The following CASTOR2 variants were observed in gnomAD, a reference collection of about 807,000 sequenced individuals.
CASTOR2 encodes cytosolic arginine sensor for mTORC1 subunit 2, also known as GATS protein like 2.
In CASTOR2, 8 loss-of-function variants were observed where a neutral mutation model predicts 31.2. The ratio of observed to expected loss-of-function variants is 0.26; its 90% confidence interval spans 0.15 to 0.46. CASTOR2 has a LOEUF of 0.46. CASTOR2 is among the 20% of genes least tolerant of loss of function. CASTOR2 has a pLI of 0.99. For missense variants in CASTOR2, 216 were observed against 382.1 expected (o/e 0.57, Z 3.62); for synonymous variants, 162 against 158.7 (o/e 1.02, Z -0.16).
At chr7:74,999,678 C>T (rs1397862829) in intron 1 of CASTOR2, among the ~76,000 whole-genome samples, 4 of 120,422 alleles carry the variant, frequency 3.3e-5, no homozygotes, top group Non-Finnish European at 6.4e-5. Context: ...AGTGCAGTGG[C>T]GTGATCTTGG....
chr7:75,001,641 C>T (rs1210858903), intron 1 of CASTOR2, among the ~76,000 whole-genome samples: 1 of 152,202 alleles, frequency 6.6e-6, no homozygotes, highest in Non-Finnish European at 1.5e-5. Flanking sequence ...TGAGGCTTCT[C>T]TGATTTTGAA....
At chr7:74,983,764 A>G (rs1804000476) in intron 1 of CASTOR2, among the ~76,000 whole-genome samples, 1 of 149,760 alleles carries the variant, frequency 6.7e-6, no homozygotes, top group Non-Finnish European at 1.5e-5. Flanking sequence ...TTCCTACCAC[A>G]TATTCCCAGG....
intron 2 of CASTOR2, among the ~76,000 whole-genome samples, chr7:75,011,888 A>G (rs1455746745): frequency 4.0e-5 from 6 of 151,256 alleles, no homozygotes; most frequent in African/African-American, 1.5e-4. Context: ...AATCGCTTGA[A>G]CCCGGGAGGT....
At chr7:75,022,837 T>G (rs1805036780) in intron 7 of CASTOR2, among the ~76,000 whole-genome samples, 1 of 152,134 alleles carries the variant, frequency 6.6e-6, no homozygotes, top group Admixed American at 6.6e-5. Context: ...AAGAATAAAT[T>G]GGGGCTGTGA....
In CASTOR2 at chr7:75,028,006, G is replaced by C. The variant is rs1176017612; in HGVS notation, c.*3307G>C. On this transcript the variant is annotated 3_prime_UTR_variant, in exon 9 of 9. Coordinates refer to ENST00000616305, the MANE Select transcript of CASTOR2 (RefSeq NM_001145064.3). ...CGCAGTTGCATGGAACTCCTTACCTGTTTGCCGTCCATCCCCCGGAGGTAA... is the reference window on the plus strand; with the variant it reads ...CGCAGTTGCATGGAACTCCTTACCTCTTTGCCGTCCATCCCCCGGAGGTAA... 4 of 1,534,136 alleles carry C rather than the reference G, an allele frequency of 2.6e-6. No individual in the cohort carries two copies. The highest frequency in any genetic ancestry group is 3.9e-5 in the Admixed American group (2 of 50,946).
At chr7:74,975,032 G>A (rs1365599339) in intron 1 of CASTOR2, among the ~76,000 whole-genome samples, 2 of 150,922 alleles carry the variant, frequency 1.3e-5, no homozygotes, top group African/African-American at 2.4e-5. Context: ...GCAGTGGCAC[G>A]ATCTCGGCTC....
chr7:75,009,908 A>G (rs1804699111), intron 2 of CASTOR2, among the ~76,000 whole-genome samples: 1 of 126,410 alleles, frequency 7.9e-6, no homozygotes, highest in Non-Finnish European at 1.7e-5. Context: ...TTTTTTTTTT[A>G]AGAAACAGGT....
chr7:74,985,585 CAAAAAAAAAAA>C (rs782053038), intron 1 of CASTOR2, among the ~76,000 whole-genome samples: 10 of 67,548 alleles, frequency 1.5e-4, no homozygotes, highest in Admixed American at 2.2e-4. Flanking sequence ...CAGCCTGGCT[CAAAAAAAAAAA>C]AAAAAAAAAA....
At position 75,029,645 on chromosome 7, in the gene CASTOR2, A is replaced by G. The variant is rs1488048150; in HGVS notation, c.*4946A>G. 6.6e-6 allele frequency among the ~76,000 whole-genome samples: 1 copy of G among 151,932 alleles called. No individual in the cohort carries two copies. Among genetic ancestry groups the G allele is most frequent in the Non-Finnish European group, 1.5e-5 (1 of 67,966 alleles). On this transcript the variant is annotated 3_prime_UTR_variant, in exon 9 of 9. Transcript: ENST00000616305. ...AGGCATGAGATACCCCGCCTGGCCA[A>G]TGGGATTTTTGACGCCACTTCCTGA...
chr7:74,997,603 T>C (rs1482015782), intron 1 of CASTOR2, among the ~76,000 whole-genome samples: 7 of 152,118 alleles, frequency 4.6e-5, no homozygotes, highest in Admixed American at 1.3e-4. Context: ...TTTTTGTATT[T>C]TTAGTAGAGA....
chr7:75,010,678 A>C (rs1485260471), intron 2 of CASTOR2, among the ~76,000 whole-genome samples: 1 of 152,120 alleles, frequency 6.6e-6, no homozygotes, highest in African/African-American at 2.4e-5. Context: ...ACCACTGGGA[A>C]AGCAGGTTTC....
chr7:75,024,289 C>A (rs1805073079), intron 7 of CASTOR2, 151 bp from the exon 8 acceptor site: 3 of 844,414 alleles, frequency 3.6e-6, no homozygotes, highest in South Asian at 1.5e-5. Flanking sequence ...GACTCCATCT[C>A]AAAAAAAATA....
chr7:75,001,015 G>T (rs1299843385), intron 1 of CASTOR2, among the ~76,000 whole-genome samples: 1 of 152,174 alleles, frequency 6.6e-6, no homozygotes, highest in Non-Finnish European at 1.5e-5. Flanking sequence ...AAGCTAGCAG[G>T]TGACCTTGGC....
At chr7:74,998,153 C>G (rs1254272268) in intron 1 of CASTOR2, among the ~76,000 whole-genome samples, 1 of 152,156 alleles carries the variant, frequency 6.6e-6, no homozygotes, top group Non-Finnish European at 1.5e-5. Flanking sequence ...CAGCTAACTC[C>G]TTTAACCCAA....
intron 1 of CASTOR2, among the ~76,000 whole-genome samples, chr7:74,985,430 A>G (rs1804038944): frequency 6.6e-6 from 1 of 151,666 alleles, no homozygotes; most frequent in Non-Finnish European, 1.5e-5. Flanking sequence ...AAAAATATAC[A>G]AGTAGCTGGG....
intron 1 of CASTOR2, among the ~76,000 whole-genome samples, chr7:74,995,529 C>T (rs1554437851): frequency 3.1e-3 from 97 of 30,796 alleles, no homozygotes; most frequent in African/African-American, 0.012. Context: ...AAAAAAAGGC[C>T]GGGTGCGGTG....
rs1395820330 is a variant in CASTOR2, at chr7:75,025,068, G to T, written c.*369G>T. On this transcript the variant is annotated 3_prime_UTR_variant, in exon 9 of 9. Transcript: ENST00000616305. ...AGCCGGTCCCTCCTGCGAGACACCG[G>T]TGTGCCAGCTGTCATGTCACCTTGC... Among the ~76,000 whole-genome samples the T allele has an allele frequency of 6.6e-6, 1 of 152,254 alleles. No homozygotes were observed. The highest frequency in any genetic ancestry group is 1.5e-5 in the Non-Finnish European group (1 of 68,046).
intron 1 of CASTOR2, among the ~76,000 whole-genome samples, chr7:74,979,417 C>T (rs1224617488): frequency 2.4e-5 from 3 of 122,762 alleles, no homozygotes; most frequent in African/African-American, 9.6e-5. Flanking sequence ...TTTTTTGAGA[C>T]GGAGTCTTAC....
intron 1 of CASTOR2, among the ~76,000 whole-genome samples, chr7:74,987,328 C>T (rs1804091903): frequency 6.6e-6 from 1 of 151,674 alleles, no homozygotes; most frequent in Non-Finnish European, 1.5e-5. Context: ...TTGCTTCAAC[C>T]TGGGAAGTGG....
Sources: allele counts gnomAD v4.1 joint callset (sites outside exome capture counted in the v4.1 genomes callset), GRCh38; gene constraint gnomAD v4.1.1; transcripts MANE v1.5; gene names NCBI Gene and HGNC (gene_info 2026-07-23, HGNC 2026-07-21).